Variants in MYH15 observed in about 807,000 individuals in gnomAD.
MYH15 encodes the protein myosin-15.
In MYH15, 227 loss-of-function variants were observed where a neutral mutation model predicts 240.5. The ratio of observed to expected loss-of-function variants is 0.94; its 90% confidence interval spans 0.85 to 1.05. MYH15 has a LOEUF of 1.05. Ranked by LOEUF, MYH15 falls within the 50% of genes least tolerant of loss-of-function variation. The pLI, the probability that MYH15 is intolerant of heterozygous loss-of-function variation, is 0.00. For missense variants in MYH15, 2,217 were observed against 2,247.5 expected (o/e 0.99, Z 0.27); for synonymous variants, 785 against 796.7 (o/e 0.99, Z 0.25).
rs147101810 is a variant in MYH15 at position 108,507,226 on chromosome 3, AATATATATATATATATATATAT to A, written c.89-1419_89-1398del. ...CATACTTTCCTTTTAAAGGAAAATG[AATATATATATATATATATATAT>A]ATATATATATATATATATATATATA... is the stretch of plus-strand genomic sequence containing the variant. On this transcript the variant is annotated intron_variant, in intron 1 of 40. Transcript: ENST00000693548. 4.6e-3 allele frequency among the ~76,000 whole-genome samples: 453 copies of A among 98,538 alleles called. 8 individuals are homozygous for A. The highest frequency in any genetic ancestry group is 0.015 in the African/African-American group (327 of 21,936). 64.6% of individuals were successfully genotyped at this position (98,538 alleles called of 152,430 possible).
At chr3:108,486,033 C>T (rs955511804) in intron 10 of MYH15, among the ~76,000 whole-genome samples, 1 of 152,216 alleles carries the variant, frequency 6.6e-6, no homozygotes, top group Non-Finnish European at 1.5e-5. Flanking sequence ...AATGCTTAAA[C>T]GATTAAACTG....
chr3:108,486,348 A>G, intron 10 of MYH15, 75 bp downstream of exon 10: 1 of 1,266,964 alleles, frequency 7.9e-7, no homozygotes, highest in Non-Finnish European at 1.1e-6. Context: ...GTCCCTAAGA[A>G]CAGAACTCTA....
intron 37 of MYH15, among the ~76,000 whole-genome samples, chr3:108,390,193 T>C (rs1051244194): frequency 6.6e-6 from 1 of 152,160 alleles, no homozygotes; most frequent in Non-Finnish European, 1.5e-5. Flanking sequence ...GGGGAAAAAC[T>C]GCTCTACTAA....
rs1006295442 is a variant in MYH15, at chr3:108,430,619, T to G, written c.3312+213A>C. On this transcript the variant is annotated intron_variant, in intron 26 of 40. Transcript: ENST00000693548. Reference sequence around the variant, plus strand: ...GGTTCACAGCAAACAGTCAACCAATTAGCTATTCATTTTTATTATTCTCAT... The same window carrying G: ...GGTTCACAGCAAACAGTCAACCAATGAGCTATTCATTTTTATTATTCTCAT... Among the ~76,000 whole-genome samples, 13 of 152,290 alleles carry G rather than the reference T, an allele frequency of 8.5e-5. 1 individual carries two copies. Among genetic ancestry groups the G allele is most frequent in the Admixed American group, 7.2e-4 (11 of 15,302 alleles).
chr3:108,452,007 A>G (rs926859089), intron 21 of MYH15, among the ~76,000 whole-genome samples: 7 of 146,208 alleles, frequency 4.8e-5, no homozygotes, highest in Non-Finnish European at 9.0e-5. Flanking sequence ...AAAAAAACCT[A>G]CAGAAAACAT....
At chr3:108,426,103 G>C (rs2082722583) in intron 27 of MYH15, among the ~76,000 whole-genome samples, 1 of 151,162 alleles carries the variant, frequency 6.6e-6, no homozygotes, top group African/African-American at 2.4e-5. Context: ...AATATGAAGA[G>C]AGAGAAATAA....
chr3:108,470,143 T>C lies in MYH15; in HGVS notation c.1453A>G (p.Met485Val). The change falls in exon 14 of 41, where the codon ATG becomes GTG. Residue 485 changes from methionine (M) to valine (V), a missense_variant. Transcript: ENST00000693548. ...EKLQQFFNWH[M>V]FVLEQEEYKK... Reference sequence around the variant, plus strand: ...TATTCCTCTTGCTCCAGAACAAACATGTGCCAATTGAAGAATTGTTGTAAT... The same window carrying C: ...TATTCCTCTTGCTCCAGAACAAACACGTGCCAATTGAAGAATTGTTGTAAT... 2 of 1,610,838 alleles carry C rather than the reference T, an allele frequency of 1.2e-6. No homozygotes were observed. Among genetic ancestry groups the C allele is most frequent in the Non-Finnish European group, 8.5e-7 (1 of 1,178,834 alleles).
chr3:108,383,970 A>G (rs1286056151), intron 39 of MYH15, among the ~76,000 whole-genome samples: 1 of 152,152 alleles, frequency 6.6e-6, no homozygotes, highest in Non-Finnish European at 1.5e-5. Context: ...CTTTTCATCA[A>G]CTGGATGCAG....
intron 1 of MYH15, among the ~76,000 whole-genome samples, chr3:108,517,297 A>C (rs1392215005): frequency 6.6e-6 from 1 of 152,144 alleles, no homozygotes; most frequent in Non-Finnish European, 1.5e-5. Flanking sequence ...GGATCTCTGC[A>C]CTGAGCTATT....
intron 33 of MYH15, among the ~76,000 whole-genome samples, chr3:108,401,183 C>T (rs1413330758): frequency 1.3e-5 from 2 of 152,184 alleles, no homozygotes; most frequent in East Asian, 1.9e-4. Context: ...ACGTTCTTGC[C>T]GTAACCCCCA....
Position 108,416,919 on chromosome 3 carries a change from G to A in MYH15, c.3841C>T (p.Arg1281Trp), listed in dbSNP as rs375553224. 8.7e-6 allele frequency: 14 copies of A among 1,611,918 alleles called. No individual in the cohort carries two copies. The highest frequency in any genetic ancestry group is 6.7e-5 in the Admixed American group (4 of 59,924). The change falls in exon 29 of 41, where the codon CGG becomes TGG. Residue 1281 changes from arginine to tryptophan, a missense_variant. By Grantham distance (101) the Arg-to-Trp change is moderately radical. Coordinates refer to ENST00000693548, the MANE Select transcript of MYH15 (RefSeq NM_014981.3). ...KLWSESGEFLRRLEEKEALIN... is the reference protein window; with the variant it reads ...KLWSESGEFLWRLEEKEALIN... ...AGAGCCTCCTTCTCTTCAAGCCTCCGTAGGAACTCGCCTACAGAAAGATTT... is the reference window on the plus strand; with the variant it reads ...AGAGCCTCCTTCTCTTCAAGCCTCCATAGGAACTCGCCTACAGAAAGATTT...
chr3:108,540,849 T>A, the MYH15 span, among the ~76,000 whole-genome samples: 2 of 152,056 alleles, frequency 1.3e-5, no homozygotes, highest in Non-Finnish European at 2.9e-5. Context: ...ACAGAACGGG[T>A]TTATTATTTA....
intron 1 of MYH15, among the ~76,000 whole-genome samples, chr3:108,528,128 AT>A (rs970802555): frequency 6.6e-6 from 1 of 152,176 alleles, no homozygotes; most frequent in Non-Finnish European, 1.5e-5. Flanking sequence ...TGGCAATTAA[AT>A]TTCAACATGA....
At chr3:108,502,673 C>A (rs984376241) in intron 2 of MYH15, among the ~76,000 whole-genome samples, 1 of 151,956 alleles carries the variant, frequency 6.6e-6, no homozygotes, top group Admixed American at 6.6e-5. Flanking sequence ...TTCCTAACAC[C>A]CTTTCTATAG....
intron 26 of MYH15, among the ~76,000 whole-genome samples, chr3:108,429,990 T>G (rs1427408451): frequency 6.6e-6 from 1 of 152,156 alleles, no homozygotes; most frequent in Non-Finnish European, 1.5e-5. Flanking sequence ...GTAAGGAAAT[T>G]TGTCTTTTGG....
the MYH15 span, among the ~76,000 whole-genome samples, chr3:108,539,334 G>A: frequency 2.6e-5 from 4 of 152,230 alleles, no homozygotes; most frequent in Middle Eastern, 3.4e-3. Context: ...TGAGGAGGAG[G>A]GAATGATAGA....
chr3:108,444,770 G>C lies in MYH15; in HGVS notation c.2525C>G (p.Ala842Gly). Residue 842 changes from alanine (A) to glycine (G), a missense_variant, in exon 22 of 41, where the codon GCT (alanine) becomes GGT (glycine). Ala to Gly is a moderately conservative substitution (Grantham distance 60). Transcript: ENST00000693548. The part of the protein sequence containing the change: ...VKSSEVGEEV[A>G]GLKEECAQLQ... Reference sequence around the variant, plus strand: ...TTGTGCACACTCTTCCTTCAGTCCAGCTACTTCTTCTCCTACTTCTGAAGA... The same window carrying C: ...TTGTGCACACTCTTCCTTCAGTCCACCTACTTCTTCTCCTACTTCTGAAGA... The C allele has an allele frequency of 6.2e-7, 1 of 1,614,028 alleles. No individual in the cohort carries two copies. Among genetic ancestry groups the C allele is most frequent in the Non-Finnish European group, 8.5e-7 (1 of 1,179,984 alleles).
At chr3:108,456,904 T>C in intron 18 of MYH15, 21 bp from the exon 19 acceptor site, 15 of 1,548,036 alleles carry the variant, frequency 9.7e-6, no homozygotes, top group Non-Finnish European at 1.3e-5. Context: ...AAAAGAGTCA[T>C]GGTGGATCTG....
At chr3:108,383,544 C>T (rs2082358695) in intron 40 of MYH15, 51 bp downstream of exon 40, 3 of 1,586,030 alleles carry the variant, frequency 1.9e-6, no homozygotes, top group Non-Finnish European at 2.6e-6. Context: ...TGACATCAGC[C>T]CTAAACAAAC....
Sources: gnomAD v4.1 joint callset for allele counts (sites outside exome capture counted in the v4.1 genomes callset) on GRCh38, gnomAD v4.1.1 for gene constraint, MANE v1.5 for transcripts, NCBI Gene and HGNC (gene_info 2026-07-23, HGNC 2026-07-21) for gene names.